GALNT13: variants seen among roughly 807,000 people sequenced by gnomAD.
The protein encoded by GALNT13 is UDP-GalNAc:polypeptide N-acetylgalactosaminyltransferase 13.
A neutral mutation model predicts 64.2 loss-of-function variants in GALNT13; 28 were observed. The ratio of observed to expected loss-of-function variants is 0.44; its 90% CI spans 0.32 to 0.60. The LOEUF (loss-of-function observed/expected upper bound fraction) is 0.60, where lower values mean the gene tolerates loss of function less well. Among genes scored for constraint, GALNT13 ranks in the 20% least tolerant of loss-of-function variants. The pLI is 0.05. For synonymous variants in GALNT13, 214 were observed against 224.6 expected (o/e 0.95, Z 0.42); for missense variants, 577 against 669.8 (o/e 0.86, Z 1.53).
At chr2:154,330,693 C>T (rs1039411518) in intron 9 of GALNT13, among the ~76,000 whole-genome samples, 33 of 152,066 alleles carry the variant, frequency 2.2e-4, no homozygotes, top group African/African-American at 7.5e-4. Context: ...TAACATTTCA[C>T]TCAGACCACG....
chr2:153,867,246 C>T (rs150456431), upstream of GALNT13, among the ~76,000 whole-genome samples: 179 of 152,260 alleles, frequency 1.2e-3, no homozygotes, highest in Non-Finnish European at 2.1e-3. Context: ...ACATGCAGGC[C>T]ATTCTCCAAG....
At chr2:153,443,039 C>G in the GALNT13 span, among the ~76,000 whole-genome samples, 57 of 152,232 alleles carry the variant, frequency 3.7e-4, no homozygotes, top group African/African-American at 1.3e-3. Context: ...CTTCAGCCCC[C>G]TTTCCAAGGG....
chr2:153,068,901 T>G, the GALNT13 span, among the ~76,000 whole-genome samples: 2 of 152,280 alleles, frequency 1.3e-5, no homozygotes, highest in East Asian at 3.9e-4. Flanking sequence ...GAAAAGAAAT[T>G]GATTTGGTTT....
the GALNT13 span, among the ~76,000 whole-genome samples, chr2:153,636,374 G>GT: frequency 4.6e-5 from 7 of 152,020 alleles, no homozygotes; most frequent in African/African-American, 9.7e-5. Context: ...TTATTTAATA[G>GT]TTTTCAACTA....
At chr2:153,667,764 C>A in the GALNT13 span, among the ~76,000 whole-genome samples, 16 of 152,208 alleles carry the variant, frequency 1.1e-4, no homozygotes, top group African/African-American at 3.6e-4. Context: ...AAGGTCAAAT[C>A]GGCACATATC....
the GALNT13 span, among the ~76,000 whole-genome samples, chr2:153,314,482 A>G: frequency 6.6e-6 from 1 of 152,150 alleles, no homozygotes; most frequent in Non-Finnish European, 1.5e-5. Flanking sequence ...TGGAATATAC[A>G]TTTTATTTTT....
At chr2:153,259,304 T>C in the GALNT13 span, among the ~76,000 whole-genome samples, 1 of 132,048 alleles carries the variant, frequency 7.6e-6, no homozygotes, top group Non-Finnish European at 1.7e-5. Flanking sequence ...TATTTTCATT[T>C]TATGTGTCTC....
chr2:153,773,942 T>C, the GALNT13 span, among the ~76,000 whole-genome samples: 1 of 152,170 alleles, frequency 6.6e-6, no homozygotes, highest in African/African-American at 2.4e-5. Context: ...ACTCCAACTC[T>C]AACCATGAAC....
intron 9 of GALNT13, among the ~76,000 whole-genome samples, chr2:154,395,228 A>G (rs2105360921): frequency 6.6e-6 from 1 of 152,294 alleles, no homozygotes; most frequent in Non-Finnish European, 1.5e-5. Flanking sequence ...TGAGCAAACC[A>G]AGTTGTCGTA....
At chr2:153,538,108 T>C in the GALNT13 span, among the ~76,000 whole-genome samples, 10 of 152,102 alleles carry the variant, frequency 6.6e-5, no homozygotes, top group Non-Finnish European at 1.2e-4. Flanking sequence ...TTGATGAAGA[T>C]GCTGAGAGTG....
intron 3 of GALNT13, among the ~76,000 whole-genome samples, chr2:154,109,165 A>T (rs889953533): frequency 1.6e-4 from 25 of 152,102 alleles, no homozygotes; most frequent in African/African-American, 5.5e-4. Context: ...CTTCCAATTC[A>T]TGAACATGGA....
chr2:153,865,034 A>G, the GALNT13 span, among the ~76,000 whole-genome samples: 2 of 149,646 alleles, frequency 1.3e-5, no homozygotes, highest in Non-Finnish European at 3.0e-5. Flanking sequence ...ATCTTTGACA[A>G]ACCTGAGAAA....
the GALNT13 span, among the ~76,000 whole-genome samples, chr2:153,795,854 A>C: frequency 6.6e-6 from 1 of 152,220 alleles, no homozygotes. Flanking sequence ...ACACGCAGTC[A>C]ATTCACAATT....
At chr2:154,419,203 A>G (rs1342717452) in intron 11 of GALNT13, among the ~76,000 whole-genome samples, 1 of 152,152 alleles carries the variant, frequency 6.6e-6, no homozygotes, top group Non-Finnish European at 1.5e-5. Context: ...AGGAACATCT[A>G]TGAAAACTTG....
intron 3 of GALNT13, among the ~76,000 whole-genome samples, chr2:153,994,484 A>G (rs1695384157): frequency 6.6e-6 from 1 of 152,214 alleles, no homozygotes. Flanking sequence ...TCCTTGAGGA[A>G]TCGCCACACT....
intron 3 of GALNT13, among the ~76,000 whole-genome samples, chr2:154,042,963 T>C (rs137905543): frequency 6.6e-6 from 1 of 152,114 alleles, no homozygotes; most frequent in East Asian, 1.9e-4. Context: ...AAGGGTGGCA[T>C]ATGACTATGT....
At chr2:153,393,495 A>G in the GALNT13 span, among the ~76,000 whole-genome samples, 1 of 152,064 alleles carries the variant, frequency 6.6e-6, no homozygotes, top group Non-Finnish European at 1.5e-5. Context: ...CCAAATAATA[A>G]GGTATATTAA....
At chr2:153,619,805 G>A in the GALNT13 span, among the ~76,000 whole-genome samples, 1 of 152,064 alleles carries the variant, frequency 6.6e-6, no homozygotes, top group African/African-American at 2.4e-5. Context: ...TGAAAAGTCT[G>A]TTGCCAAACA....
the GALNT13 span, among the ~76,000 whole-genome samples, chr2:153,250,207 T>A: frequency 6.6e-6 from 1 of 151,826 alleles, no homozygotes; most frequent in Admixed American, 6.6e-5. Context: ...AACAACCCCA[T>A]CAAAAAGTGG....
Sources: gnomAD v4.1 joint callset for allele counts (sites outside exome capture counted in the v4.1 genomes callset) on GRCh38, gnomAD v4.1.1 for gene constraint, MANE v1.5 for transcripts, NCBI Gene and HGNC (gene_info 2026-07-23, HGNC 2026-07-21) for gene names.